Variants in MLXIPL observed in about 807,000 individuals in gnomAD.
MLXIPL encodes MLX interacting protein like.
Under a neutral mutation model 81.5 loss-of-function variants are expected in MLXIPL, and 49 were observed. The ratio of observed to expected loss-of-function variants is 0.60; its 90% CI spans 0.48 to 0.76. The LOEUF is 0.76. Among genes scored for constraint, MLXIPL ranks in the 30% least tolerant of loss-of-function variants. The pLI, the probability that MLXIPL is intolerant of heterozygous loss-of-function variation, is 0.00. For synonymous variants in MLXIPL, 466 were observed against 485.5 expected (o/e 0.96, Z 0.53); for missense variants, 1,053 against 1,167.0 (o/e 0.90, Z 1.42).
At chr7:73,634,698 A>G in the MLXIPL span, among the ~76,000 whole-genome samples, 1 of 151,748 alleles carries the variant, frequency 6.6e-6, no homozygotes, top group African/African-American at 2.4e-5. Flanking sequence ...CCTGGCCAAT[A>G]ATTTTAACTT....
Position 73,606,125 on chromosome 7 carries a change from G to A in MLXIPL, c.619-14C>T. 1 of 1,559,080 alleles carries A rather than the reference G, an allele frequency of 6.4e-7. No homozygotes were observed. Among genetic ancestry groups the A allele is most frequent in the South Asian group, 1.2e-5 (1 of 84,826 alleles). ...CCTGCCTTCCGCCTAGGGAGACAGA[G>A]CCGTCAGCAGCCGCTAGAGAGCTCC... is the stretch of plus-strand genomic sequence containing the variant. On this transcript the variant is annotated splice_polypyrimidine_tract_variant and intron_variant, in intron 5 of 16. Transcript: ENST00000313375.
upstream of MLXIPL, among the ~76,000 whole-genome samples, chr7:73,628,797 AC>A (rs1395311733): frequency 2.6e-5 from 4 of 152,226 alleles, no homozygotes; most frequent in African/African-American, 9.6e-5. Flanking sequence ...CTCTGTACAA[AC>A]AAGTCTTGTT....
chr7:73,603,738 C>T (rs1188926975), intron 7 of MLXIPL, among the ~76,000 whole-genome samples: 2 of 152,174 alleles, frequency 1.3e-5, no homozygotes, highest in Non-Finnish European at 2.9e-5. Context: ...GTGTGGCTAT[C>T]GGGAATAACC....
upstream of MLXIPL, among the ~76,000 whole-genome samples, chr7:73,626,399 C>T (rs946783298): frequency 6.6e-6 from 1 of 152,092 alleles, no homozygotes; most frequent in Non-Finnish European, 1.5e-5. Context: ...AACTCCTGGG[C>T]CAAAGCGATC....
In MLXIPL at chr7:73,596,658, G is replaced by A. The variant is rs955355606; in HGVS notation, c.1803C>T (p.Leu601=). 11 of 1,592,800 alleles carry A rather than the reference G, an allele frequency of 6.9e-6. No individual in the cohort carries two copies. The highest frequency in any genetic ancestry group is 8.6e-6 in the Non-Finnish European group (10 of 1,169,502). ...RPLLVPKAER[L]SPPAPSGSER... ...CTTTACCGCTGGGCGCTGGGGGTGA[G>A]AGCCGCTCCGCTTTGGGGACAAGCA... Residue 601 remains leucine, a synonymous_variant, in exon 11 of 17, where the codon CTC becomes CTT. Coordinates refer to ENST00000313375, the MANE Select transcript of MLXIPL (RefSeq NM_032951.3). The surrounding 1 kb of genome is among the most constrained non-coding windows in gnomAD (Gnocchi z 4.7).
chr7:73,602,122 G>GCCTTCCTTCCTTCCTTCCTTCCTT lies in MLXIPL; in HGVS notation c.902-2428_902-2427insAAGGAAGGAAGGAAGGAAGGAAGG, dbSNP rs1419749580. Among the ~76,000 whole-genome samples the GCCTTCCTTCCTTCCTTCCTTCCTT allele has an allele frequency of 7.0e-4, 42 of 59,608 alleles. No homozygotes were observed. In the East Asian group the frequency reaches 7.1e-3, roughly 10 times the overall value. The allele number at this position is 59,608 out of a possible 152,430, so 39.1% of individuals were successfully genotyped here. ...TTCCTGCCTGCCTGCCTGCCTGCCT[G>GCCTTCCTTCCTTCCTTCCTTCCTT]CCTGCCTGCCTTCCTTCCTTCCTTC... On this transcript the variant is annotated intron_variant, in intron 7 of 16. Coordinates refer to ENST00000313375, the MANE Select transcript of MLXIPL (RefSeq NM_032951.3).
chr7:73,644,173 C>T, the MLXIPL span, among the ~76,000 whole-genome samples: 3 of 151,856 alleles, frequency 2.0e-5, no homozygotes, highest in African/African-American at 7.3e-5. Context: ...TCTGATATTA[C>T]AGATGTGAGC....
intron 1 of MLXIPL, 131 bp downstream of exon 1, chr7:73,624,069 T>C: frequency 2.3e-6 from 3 of 1,279,602 alleles, no homozygotes; most frequent in Non-Finnish European, 3.1e-6. Context: ...CAGGGCGTGA[T>C]CGGAGCCTCC....
chr7:73,593,736 C>T lies in MLXIPL; in HGVS notation c.*129G>A. 1 of 854,428 alleles carries T rather than the reference C, an allele frequency of 1.2e-6. No homozygotes were observed. Among genetic ancestry groups the T allele is most frequent in the African/African-American group, 1.7e-5 (1 of 60,318 alleles). 52.9% of individuals were successfully genotyped at this position (854,428 alleles called of 1,614,324 possible). ...GCAAGTGTGAAACCTGGACCCTGCTCCACCCCCCAGGGAAGGGCAGAGCCA... is the reference window on the plus strand; with the variant it reads ...GCAAGTGTGAAACCTGGACCCTGCTTCACCCCCCAGGGAAGGGCAGAGCCA... On this transcript the variant is annotated 3_prime_UTR_variant, in exon 17 of 17. Coordinates refer to ENST00000313375, the MANE Select transcript of MLXIPL (RefSeq NM_032951.3).
chr7:73,614,770 A>G (rs1255200544), intron 2 of MLXIPL, among the ~76,000 whole-genome samples: 1 of 151,006 alleles, frequency 6.6e-6, no homozygotes, highest in African/African-American at 2.4e-5. Flanking sequence ...CACACCAACC[A>G]TGAAAGTTAG....
At chr7:73,602,473 C>T (rs1794959980) in intron 7 of MLXIPL, among the ~76,000 whole-genome samples, 1 of 150,858 alleles carries the variant, frequency 6.6e-6, no homozygotes, top group African/African-American at 2.4e-5. Context: ...GAGTTCGAGA[C>T]CAGCCTGGCC....
rs1170290397 is a variant in MLXIPL, at chr7:73,600,095, G to A, written c.902-400C>T. On this transcript the variant is annotated intron_variant, in intron 7 of 16. Coordinates refer to ENST00000313375, the MANE Select transcript of MLXIPL (RefSeq NM_032951.3). ...GAGTGCCAGGGTGGAAAAGGGGTAC[G>A]GTGCTAGGGGAGGAGGCCTGGCATG... 2.6e-5 allele frequency among the ~76,000 whole-genome samples: 4 copies of A among 151,838 alleles called. 1 individual carries two copies. Among genetic ancestry groups the A allele is most frequent in the African/African-American group, 4.8e-5 (2 of 41,340 alleles).
intron 1 of MLXIPL, among the ~76,000 whole-genome samples, chr7:73,617,132 C>T (rs375682354): frequency 6.6e-6 from 1 of 152,104 alleles, no homozygotes; most frequent in Non-Finnish European, 1.5e-5. Context: ...TCTCGTGCCT[C>T]GGCCTCCCGA....
intron 7 of MLXIPL, among the ~76,000 whole-genome samples, chr7:73,602,225 T>C (rs113280508): frequency 9.5e-4 from 101 of 106,158 alleles, no homozygotes; most frequent in African/African-American, 3.5e-3. Context: ...TTCTTTCTTT[T>C]TTTTTTTTTG....
At chr7:73,615,150 T>C (rs1351840565) in intron 2 of MLXIPL, among the ~76,000 whole-genome samples, 1 of 152,106 alleles carries the variant, frequency 6.6e-6, no homozygotes, top group African/African-American at 2.4e-5. Context: ...GCTAGGCAAC[T>C]AGCCTGAAGT....
In MLXIPL at chr7:73,596,721, T is replaced by C; in HGVS notation, c.1740A>G (p.Pro580=). The part of the protein sequence containing the change: ...PPTPAPTPPR[P]PPGPATLAPS... ...GGGCCAATGTGGCCGGGCCTGGAGG[T>C]GGCCGGGGCGGTGTAGGGGCCGGGG... is the stretch of plus-strand genomic sequence containing the variant. The change falls in exon 11 of 17, where the codon CCA becomes CCG. Residue 580 remains proline, a synonymous_variant. Coordinates refer to ENST00000313375, the MANE Select transcript of MLXIPL (RefSeq NM_032951.3). The surrounding 1 kb of genome is among the most constrained non-coding windows in gnomAD (Gnocchi z 4.7). 6.3e-7 allele frequency: 1 copy of C among 1,589,770 alleles called. No homozygotes were observed. The highest frequency in any genetic ancestry group is 1.3e-5 in the African/African-American group (1 of 74,490).
chr7:73,607,749 G>A, intron 2 of MLXIPL, 77 bp from the exon 3 acceptor site: 1 of 1,280,356 alleles, frequency 7.8e-7, no homozygotes, highest in Non-Finnish European at 1.1e-6. Flanking sequence ...GGACTCAAGT[G>A]ACACCCTGCG....
At chr7:73,597,746 C>T in intron 8 of MLXIPL, 33 bp from the exon 9 acceptor site, 1 of 1,324,258 alleles carries the variant, frequency 7.6e-7, no homozygotes, top group Non-Finnish European at 9.6e-7. Context: ...ACTCAGAGAG[C>T]AGGGGAGAGA....
In MLXIPL at chr7:73,596,881, C is replaced by A; in HGVS notation, c.1655G>T (p.Arg552Leu). 2 of 1,611,424 alleles carry A rather than the reference C, an allele frequency of 1.2e-6. No individual in the cohort carries two copies. The highest frequency in any genetic ancestry group is 1.7e-6 in the Non-Finnish European group (2 of 1,179,644). The change falls in exon 10 of 17, where the codon CGG (arginine) becomes CTG (leucine). Residue 552 changes from arginine to leucine, a missense_variant. Physicochemically the swap from Arg to Leu is moderately radical, Grantham distance 102. Transcript: ENST00000313375. The surrounding 1 kb of genome is among the most constrained non-coding windows in gnomAD (Gnocchi z 4.7). ...AGATCTTACCGGGGACCCTGGGGAC[C>A]GGAGGAGGGTGCTGGATACAAGTGG... ...EPPLVSSTLLRSPGSPQETVP... is the reference protein window; with the variant it reads ...EPPLVSSTLLLSPGSPQETVP...
Sources: gnomAD v4.1 joint callset for allele counts (sites outside exome capture counted in the v4.1 genomes callset) on GRCh38, gnomAD v4.1.1 for gene constraint, Gnocchi (gnomAD v3.1) non-coding constraint, MANE v1.5 for transcripts, NCBI Gene and HGNC (gene_info 2026-07-23, HGNC 2026-07-21) for gene names.